The following IPO5 variants were observed in gnomAD, a reference collection of about 807,000 sequenced individuals.
IPO5 encodes importin-5.
In IPO5, 18 loss-of-function variants were observed where a neutral mutation model predicts 143.3. That is an observed-to-expected ratio of 0.13 (90% CI 0.09 to 0.19). IPO5 has a LOEUF of 0.19. Among genes scored for constraint, IPO5 ranks in the 10% least tolerant of loss-of-function variants. IPO5 has a pLI of 1.00. For synonymous variants in IPO5, 477 were observed against 465.7 expected, an observed-to-expected ratio of 1.02 and a Z score of -0.31; for missense variants, 1,013 against 1,336.9, an observed-to-expected ratio of 0.76 and a Z score of 3.78.
At chr13:97,992,710 C>T (rs1360278559) in intron 9 of IPO5, among the ~76,000 whole-genome samples, 182 bp from the exon 10 acceptor site, 1 of 152,112 alleles carries the variant, frequency 6.6e-6, no homozygotes, top group East Asian at 1.9e-4. Context: ...AGTTAACATC[C>T]ATCAGAAGGA....
Position 98,021,923 on chromosome 13 carries a change from G to A in IPO5, c.*101G>A, listed in dbSNP as rs1024137394. On this transcript the variant is annotated 3_prime_UTR_variant, in exon 29 of 29. Transcript: ENST00000651721. ...TTTTTGAGCAAAAGAGATCGGTAGTGTTGTGTGTAGGCCATTCTTCTGGAG... is the reference window on the plus strand; with the variant it reads ...TTTTTGAGCAAAAGAGATCGGTAGTATTGTGTGTAGGCCATTCTTCTGGAG... The A allele has an allele frequency of 7.3e-6, 5 of 684,484 alleles. No homozygotes were observed. The highest frequency in any genetic ancestry group is 2.4e-5 in the South Asian group (1 of 41,376). The allele number at this position is 684,484 out of a possible 1,614,324, so 42.4% of individuals were successfully genotyped here. A position where few individuals can be genotyped will look rare whatever the true frequency, so the allele number is the denominator to read the frequency against.
intron 20 of IPO5, among the ~76,000 whole-genome samples, chr13:98,011,973 C>T (rs1180574297): frequency 6.6e-6 from 1 of 151,714 alleles, no homozygotes; most frequent in Non-Finnish European, 1.5e-5. Context: ...GAATGGAATA[C>T]GAATGATTCC....
intron 18 of IPO5, among the ~76,000 whole-genome samples, chr13:98,009,088 C>G (rs1033900672): frequency 5.3e-5 from 8 of 152,092 alleles, no homozygotes; most frequent in Non-Finnish European, 1.0e-4. Context: ...GTGGTAAGGA[C>G]GAGGCGTGTT....
intron 4 of IPO5, 67 bp downstream of exon 4, chr13:97,976,853 C>T (rs1049313240): frequency 5.1e-6 from 3 of 591,632 alleles, no homozygotes; most frequent in Non-Finnish European, 7.7e-6. Context: ...CGACGCCAGC[C>T]GCACCGGGCC....
intron 2 of IPO5, among the ~76,000 whole-genome samples, chr13:97,964,488 C>G (rs1286519157): frequency 2.8e-5 from 4 of 143,304 alleles, no homozygotes; most frequent in African/African-American, 5.2e-5. Context: ...CGCTCTGTCA[C>G]CCAGGCTGGA....
In IPO5 at chr13:98,021,021, A is replaced by G; in HGVS notation, c.3095A>G (p.Asn1032Ser). The part of the protein sequence containing the change: ...SNHPIVLGPN[N>S]TNLPKIFSII... ...CATCCAATTGTTCTTGGCCCAAACA[A>G]TACCAATCTGCCCAAAATATTTAGT... The change falls in exon 28 of 29, where the codon AAT becomes AGT. Residue 1032 changes from asparagine to serine, a missense_variant. By Grantham distance (46) the Asn-to-Ser change is conservative. Transcript: ENST00000651721. The G allele has an allele frequency of 1.2e-6, 2 of 1,610,134 alleles. No homozygotes were observed. The highest frequency in any genetic ancestry group is 1.7e-6 in the Non-Finnish European group (2 of 1,178,502).
At chr13:98,021,688 C>T in intron 28 of IPO5, 48 bp from the exon 29 acceptor site, 9 of 1,166,862 alleles carry the variant, frequency 7.7e-6, no homozygotes, top group Non-Finnish European at 1.1e-5. Context: ...TAAAATCCTT[C>T]CAAATGAGCA....
intron 2 of IPO5, among the ~76,000 whole-genome samples, chr13:97,954,526 G>A (rs16954676): frequency 0.032 from 4,936 of 152,164 alleles, 95 homozygotes; most frequent in Admixed American, 0.04. Flanking sequence ...CAGAGGCCGA[G>A]TATATTTTAT....
rs542014581 is a variant in IPO5 at position 98,004,488 on chromosome 13, AGGTTTGGGTGGAT to A, written c.1497+1454_1497+1466del. On this transcript the variant is annotated intron_variant, in intron 16 of 28. Transcript: ENST00000651721. ...ATGGATGGATCCAACATGACTTTACAGGTTTGGGTGGATGGCTGTGGTATGATAGTCTGTGTGT... is the reference window on the plus strand; with the variant it reads ...ATGGATGGATCCAACATGACTTTACAGGCTGTGGTATGATAGTCTGTGTGT... Among the ~76,000 whole-genome samples the A allele has an allele frequency of 1.1e-3, 171 of 152,304 alleles. 2 individuals are homozygous for A. Among genetic ancestry groups the A allele is most frequent in the Middle Eastern group, 3.4e-3 (1 of 294 alleles).
At chr13:97,976,665 CCCCT>C in intron 3 of IPO5, 24 bp from the exon 4 acceptor site, 1 of 1,187,520 alleles carries the variant, frequency 8.4e-7, no homozygotes, top group Non-Finnish European at 1.1e-6. Context: ...GCTCCTGTCT[CCCCT>C]CCCTCCTTCT....
chr13:98,016,597 C>G (rs1255768175), intron 24 of IPO5, 132 bp from the exon 25 acceptor site: 15 of 500,316 alleles, frequency 3.0e-5, no homozygotes, highest in Non-Finnish European at 4.6e-5. Context: ...TCTCTAGACT[C>G]TTGATTTACC....
At chr13:97,974,722 G>A (rs1886119733) in intron 3 of IPO5, among the ~76,000 whole-genome samples, 1 of 150,304 alleles carries the variant, frequency 6.7e-6, no homozygotes. Context: ...AAAAAAAGCT[G>A]CCCCAAAGTA....
At chr13:97,977,737 T>G (rs6491393) in intron 4 of IPO5, among the ~76,000 whole-genome samples, 84,344 of 152,050 alleles carry the variant, frequency 0.55, 24,594 homozygotes, top group African/African-American at 0.74. Flanking sequence ...GAGACCACGA[T>G]TCTTGTGGGA....
chr13:98,003,187 A>T, intron 16 of IPO5, 150 bp downstream of exon 16: 2 of 673,398 alleles, frequency 3.0e-6, no homozygotes, highest in South Asian at 3.9e-5. Flanking sequence ...TTGTGGAATG[A>T]TGAGTAGAGA....
At chr13:98,010,050 TTC>T (rs1889570581) in intron 19 of IPO5, 37 bp downstream of exon 19, 1 of 1,613,392 alleles carries the variant, frequency 6.2e-7, no homozygotes, top group African/African-American at 1.3e-5. Flanking sequence ...GTTATAATAG[TTC>T]TCTCTTTGTT....
At chr13:97,953,789 C>T (rs1046799149) in intron 1 of IPO5, 73 bp downstream of exon 1, 93 of 386,810 alleles carry the variant, frequency 2.4e-4, no homozygotes, top group Non-Finnish European at 4.1e-4. Flanking sequence ...AACAATTTAG[C>T]GTGATACTGG....
At chr13:97,976,482 G>A (rs1208290140) in intron 3 of IPO5, 10 of 152,524 alleles carry the variant, frequency 6.6e-5, no homozygotes, top group Admixed American at 5.9e-4. Context: ...GTGAGGCGCC[G>A]GCGCCGGCGG....
chr13:97,973,414 C>T (rs1337927263), intron 3 of IPO5, among the ~76,000 whole-genome samples: 1 of 152,156 alleles, frequency 6.6e-6, no homozygotes, highest in African/African-American at 2.4e-5. Flanking sequence ...AAATGGGCTT[C>T]TAAGTGCAGT....
chr13:97,976,667 C>T (rs1007417881), intron 3 of IPO5, 26 bp from the exon 4 acceptor site: 13 of 1,216,822 alleles, frequency 1.1e-5, no homozygotes, highest in East Asian at 5.0e-5. Context: ...TCCTGTCTCC[C>T]CTCCCTCCTT....
Sources: gnomAD v4.1 joint callset for allele counts (sites outside exome capture counted in the v4.1 genomes callset) on GRCh38, gnomAD v4.1.1 for gene constraint, MANE v1.5 for transcripts, NCBI Gene and HGNC (gene_info 2026-07-23, HGNC 2026-07-21) for gene names.